Variants in RAB39A observed in about 807,000 individuals in gnomAD.
RAB39A encodes the protein ras-related protein Rab-39A.
RAB39A carries 17 observed loss-of-function variants against 20.9 expected under a neutral mutation model. The observed-to-expected ratio is 0.81, with a 90% CI of 0.56 to 1.22. The LOEUF (loss-of-function observed/expected upper bound fraction) is 1.22, where lower values mean the gene tolerates loss of function less well. RAB39A is among the 50% of genes most tolerant of loss of function. RAB39A has a pLI of 0.00. For missense variants in RAB39A, 234 were observed against 270.5 expected (o/e 0.87, Z 0.95); for synonymous variants, 99 against 103.4 (o/e 0.96, Z 0.26).
intron 1 of RAB39A, among the ~76,000 whole-genome samples, chr11:107,957,908 T>G (rs1026964941): frequency 6.6e-6 from 1 of 152,094 alleles, no homozygotes; most frequent in Non-Finnish European, 1.5e-5. Context: ...TTTCTTTCTT[T>G]TTTTTGAGAC....
At chr11:107,959,652 G>A (rs536720326) in intron 1 of RAB39A, among the ~76,000 whole-genome samples, 1 of 147,152 alleles carries the variant, frequency 6.8e-6, no homozygotes, top group Non-Finnish European at 1.6e-5. Flanking sequence ...AGGAGAAATA[G>A]AAAGAAAGAG....
chr11:107,931,683 A>G (rs192955138), intron 1 of RAB39A, among the ~76,000 whole-genome samples: 2 of 152,278 alleles, frequency 1.3e-5, no homozygotes, highest in East Asian at 3.9e-4. Flanking sequence ...TAATCATATC[A>G]TGAAGAATTT....
intron 1 of RAB39A, among the ~76,000 whole-genome samples, chr11:107,945,653 G>A (rs1158826491): frequency 6.6e-6 from 1 of 152,146 alleles, no homozygotes; most frequent in African/African-American, 2.4e-5. Flanking sequence ...GATACTTCTG[G>A]AAGTGGGAGT....
At chr11:107,941,840 C>A (rs1163313906) in intron 1 of RAB39A, among the ~76,000 whole-genome samples, 1 of 152,080 alleles carries the variant, frequency 6.6e-6, no homozygotes, top group Non-Finnish European at 1.5e-5. Flanking sequence ...CGCCTGTAAT[C>A]CCAGCACTTT....
Position 107,962,753 on chromosome 11 carries a change from A to G in RAB39A, c.*381A>G. The G allele has an allele frequency of 6.0e-6, 1 of 165,490 alleles. No individual in the cohort carries two copies. Among genetic ancestry groups the G allele is most frequent in the Non-Finnish European group, 1.3e-5 (1 of 75,802 alleles). 10.3% of individuals were successfully genotyped at this position (165,490 alleles called of 1,614,324 possible). A position where few individuals can be genotyped will look rare whatever the true frequency, so the allele number is the denominator to read the frequency against. On this transcript the variant is annotated 3_prime_UTR_variant, in exon 2 of 2. Transcript: ENST00000320578. ...ATTACATTCTCTTGAGTTAATTAAT[A>G]TTGAATAGCAAAATGCATTTAAATA...
At position 107,928,779 on chromosome 11, in the gene RAB39A, G is replaced by T; in HGVS notation, c.211G>T (p.Gly71Ter). The stretch of plus-strand genomic sequence containing the variant: ...CAAGCTACAGCTCTGGGACACGGCG[G>T]GACAGGAGCGGTTCAGGTAGGGACC... ...RIKLQLWDTA[G>*]QERFRSITRS... The change falls in exon 1 of 2, where the codon GGA becomes TGA. Residue 71 changes from glycine to a stop codon, truncating the protein, a stop_gained. Coordinates refer to ENST00000320578, the MANE Select transcript of RAB39A (RefSeq NM_017516.3). LOFTEE classifies it high-confidence loss of function. The surrounding 1 kb of genome is among the most constrained non-coding windows in gnomAD (Gnocchi z 4.9). 6.3e-7 allele frequency: 1 copy of T among 1,583,130 alleles called. No individual in the cohort carries two copies. Among genetic ancestry groups the T allele is most frequent in the Non-Finnish European group, 8.6e-7 (1 of 1,162,466 alleles).
At chr11:107,937,239 A>T (rs1861203242) in intron 1 of RAB39A, among the ~76,000 whole-genome samples, 1 of 151,560 alleles carries the variant, frequency 6.6e-6, no homozygotes, top group Non-Finnish European at 1.5e-5. Context: ...GGCTCCAGTG[A>T]TCCTCTTACC....
In RAB39A at chr11:107,961,946, A is replaced by G. The variant is rs745689266; in HGVS notation, c.228A>G (p.Arg76=). The G allele has an allele frequency of 1.3e-6, 2 of 1,599,934 alleles. No homozygotes were observed. The highest frequency in any genetic ancestry group is 3.4e-5 in the Admixed American group (2 of 58,330). Residue 76 remains arginine (R), a splice_region_variant and synonymous_variant, in exon 2 of 2, where the codon AGA becomes AGG. Transcript: ENST00000320578. ...LWDTAGQERF[R]SITRSYYRNS... is the part of the protein sequence containing the mutation. ...AACCTTTTTTCTCTTCATTTTTCAG[A>G]TCAATAACCCGATCTTATTACCGCA...
intron 1 of RAB39A, among the ~76,000 whole-genome samples, chr11:107,949,346 A>G (rs1432997988): frequency 6.6e-6 from 1 of 152,190 alleles, no homozygotes; most frequent in African/African-American, 2.4e-5. Flanking sequence ...AATGATGTTT[A>G]AATGACTTGA....
At chr11:107,934,964 C>T (rs964413281) in intron 1 of RAB39A, among the ~76,000 whole-genome samples, 3 of 151,768 alleles carry the variant, frequency 2.0e-5, no homozygotes, top group African/African-American at 7.3e-5. Context: ...GAGACAGCCT[C>T]CCTCCTCTCC....
intron 1 of RAB39A, among the ~76,000 whole-genome samples, chr11:107,942,555 T>G (rs1861270419): frequency 6.6e-6 from 1 of 152,110 alleles, no homozygotes; most frequent in Non-Finnish European, 1.5e-5. Context: ...AACTCTTGGT[T>G]TCAAGTGATC....
rs1426360751 is a variant in RAB39A, at chr11:107,928,728, C to T, written c.160C>T (p.Leu54=). 1.9e-6 allele frequency: 3 copies of T among 1,609,880 alleles called. No homozygotes were observed. In the East Asian group the frequency reaches 6.7e-5, roughly 36 times the overall value. ...TVGVDFFSRL[L]EIEPGKRIKL... ...CGGCGTGGACTTCTTCTCCCGCCTG[C>T]TGGAGATCGAGCCGGGCAAGAGGAT... The change falls in exon 1 of 2, where the codon CTG becomes TTG. Residue 54 remains leucine, a synonymous_variant. Transcript: ENST00000320578. This position sits in a 1 kb window ranked among gnomAD's most constrained non-coding sequence, Gnocchi z 4.9.
intron 1 of RAB39A, among the ~76,000 whole-genome samples, chr11:107,955,117 C>T (rs1861419705): frequency 6.6e-6 from 1 of 151,224 alleles, no homozygotes; most frequent in African/African-American, 2.4e-5. Context: ...CTGCCTCAGC[C>T]TCCCGAGGAG....
In RAB39A at chr11:107,940,902, G is replaced by A. The variant is rs185898835; in HGVS notation, c.227+12107G>A. On this transcript the variant is annotated intron_variant, in intron 1 of 1. Coordinates refer to ENST00000320578, the MANE Select transcript of RAB39A (RefSeq NM_017516.3). ...GAAGGAGAATCACTTGAACCCGGGA[G>A]ACAGAGGTTGCAGAGAGCCGAGATC... Among the ~76,000 whole-genome samples, 131 of 152,038 alleles carry A rather than the reference G, an allele frequency of 8.6e-4. 2 individuals carry two copies. Among genetic ancestry groups the A allele is most frequent in the Non-Finnish European group, 1.3e-4 (9 of 67,990 alleles).
intron 1 of RAB39A, among the ~76,000 whole-genome samples, chr11:107,934,647 C>T (rs1288990334): frequency 6.6e-6 from 1 of 152,142 alleles, no homozygotes; most frequent in Non-Finnish European, 1.5e-5. Flanking sequence ...AAGCCTCAGG[C>T]CGGGCGTGGT....
Position 107,928,470 on chromosome 11 carries a change from G to A in RAB39A, c.-99G>A. The A allele has an allele frequency of 4.6e-6, 4 of 878,014 alleles. No homozygotes were observed. The highest frequency in any genetic ancestry group is 2.9e-4 in the Middle Eastern group (1 of 3,506). The allele number at this position is 878,014 out of a possible 1,614,324, so 54.4% of individuals were successfully genotyped here. A position where few individuals can be genotyped will look rare whatever the true frequency, so the allele number is the denominator to read the frequency against. On this transcript the variant is annotated 5_prime_UTR_variant, in exon 1 of 2. Coordinates refer to ENST00000320578, the MANE Select transcript of RAB39A (RefSeq NM_017516.3). This position sits in a 1 kb window ranked among gnomAD's most constrained non-coding sequence, Gnocchi z 4.9. ...CGCAGCCGCAGGAATATGCTGGAAGGCGGCGGGCGGGCGCCCGCGAGGTGC... is the reference window on the plus strand; with the variant it reads ...CGCAGCCGCAGGAATATGCTGGAAGACGGCGGGCGGGCGCCCGCGAGGTGC...
chr11:107,930,089 G>A (rs1009608419), intron 1 of RAB39A, among the ~76,000 whole-genome samples: 1 of 152,196 alleles, frequency 6.6e-6, no homozygotes, highest in Non-Finnish European at 1.5e-5. Context: ...GATTCATAGA[G>A]ATAATGAGTG....
intron 1 of RAB39A, among the ~76,000 whole-genome samples, chr11:107,945,201 C>T (rs567090064): frequency 2.0e-4 from 29 of 148,110 alleles, no homozygotes; most frequent in Non-Finnish European, 3.0e-4. Context: ...AAAAAGAAGC[C>T]GCCAGCCATG....
intron 1 of RAB39A, among the ~76,000 whole-genome samples, chr11:107,936,990 A>T (rs1861201203): frequency 6.6e-6 from 1 of 152,168 alleles, no homozygotes; most frequent in African/African-American, 2.4e-5. Context: ...TGCATAGGTA[A>T]CAGAGCAGAG....
Sources: allele counts gnomAD v4.1 joint callset (sites outside exome capture counted in the v4.1 genomes callset), GRCh38; gene constraint gnomAD v4.1.1; non-coding constraint Gnocchi (gnomAD v3.1); transcripts MANE v1.5; gene names NCBI Gene and HGNC (gene_info 2026-07-23, HGNC 2026-07-21).